ERBB4: variants seen among roughly 807,000 people sequenced by gnomAD.
The protein encoded by ERBB4 is erb-b2 receptor tyrosine kinase 4, also known as receptor tyrosine-protein kinase erbB-4.
A neutral mutation model predicts 158.0 loss-of-function variants in ERBB4; 42 were observed. The ratio of observed to expected loss-of-function variants is 0.27; its 90% CI spans 0.21 to 0.34. ERBB4 has a LOEUF of 0.34. ERBB4 is among the 10% of genes least tolerant of loss of function. ERBB4 has a pLI of 1.00. For synonymous variants in ERBB4, 583 were observed against 558.7 expected (o/e 1.04, Z -0.61); for missense variants, 1,333 against 1,624.1 (o/e 0.82, Z 3.08).
At chr2:211,882,694 C>A (rs532941327) in intron 3 of ERBB4, among the ~76,000 whole-genome samples, 100 of 152,260 alleles carry the variant, frequency 6.6e-4, no homozygotes, top group African/African-American at 2.1e-3. Flanking sequence ...TTTTGTCAAG[C>A]TAATAAGGTT....
chr2:211,602,478 T>A (rs1365620438), intron 19 of ERBB4, among the ~76,000 whole-genome samples: 2 of 152,082 alleles, frequency 1.3e-5, no homozygotes, highest in Non-Finnish European at 2.9e-5. Flanking sequence ...GTTTGCTCAA[T>A]AACCCCAGAA....
chr2:211,651,196 C>T (rs889450763), intron 16 of ERBB4, among the ~76,000 whole-genome samples: 1 of 152,124 alleles, frequency 6.6e-6, no homozygotes, highest in African/African-American at 2.4e-5. Flanking sequence ...CAAGATAATA[C>T]CTTATTGCTT....
chr2:212,478,353 G>C (rs1689511213), intron 1 of ERBB4, among the ~76,000 whole-genome samples: 1 of 152,154 alleles, frequency 6.6e-6, no homozygotes, highest in South Asian at 2.1e-4. Context: ...GCTTGGAAAG[G>C]TGAATTAGTA....
intron 2 of ERBB4, among the ~76,000 whole-genome samples, chr2:212,082,961 C>A (rs1051833306): frequency 3.3e-5 from 5 of 151,842 alleles, no homozygotes; most frequent in Admixed American, 2.0e-4. Flanking sequence ...TAAATGAATA[C>A]AATAGGTGTT....
intron 1 of ERBB4, among the ~76,000 whole-genome samples, chr2:212,506,765 G>A (rs1054085231): frequency 3.9e-5 from 6 of 152,148 alleles, no homozygotes; most frequent in African/African-American, 1.4e-4. Flanking sequence ...TGGTTCATGA[G>A]GTTTAAGGAT....
chr2:212,319,772 G>A (rs2106260911), intron 1 of ERBB4, among the ~76,000 whole-genome samples: 1 of 150,448 alleles, frequency 6.6e-6, no homozygotes, highest in Non-Finnish European at 1.5e-5. Flanking sequence ...AAGTTAGTAA[G>A]CAATTAGAAT....
chr2:212,017,221 C>A (rs2076548461), intron 2 of ERBB4, among the ~76,000 whole-genome samples: 1 of 151,918 alleles, frequency 6.6e-6, no homozygotes, highest in Non-Finnish European at 1.5e-5. Context: ...TAAATAATTT[C>A]TTGGAAAAAT....
intron 1 of ERBB4, among the ~76,000 whole-genome samples, chr2:212,197,152 T>A (rs2082451019): frequency 6.6e-6 from 1 of 152,116 alleles, no homozygotes. Flanking sequence ...ATCCTCCAAA[T>A]TAAAGCTTTT....
chr2:211,848,850 T>G (rs2106025336), intron 3 of ERBB4, among the ~76,000 whole-genome samples: 1 of 152,214 alleles, frequency 6.6e-6, no homozygotes, highest in African/African-American at 2.4e-5. Context: ...CAGTAGTTTA[T>G]CAGCTGGTAT....
intron 2 of ERBB4, among the ~76,000 whole-genome samples, chr2:212,049,895 T>A (rs947813900): frequency 8.5e-5 from 13 of 152,186 alleles, no homozygotes; most frequent in Non-Finnish European, 1.8e-4. Context: ...ACTTTCCAAG[T>A]CTGCACTTCA....
intron 1 of ERBB4, among the ~76,000 whole-genome samples, chr2:212,448,666 G>A (rs904821060): frequency 6.6e-6 from 1 of 152,064 alleles, no homozygotes; most frequent in African/African-American, 2.4e-5. Context: ...CTGCATCCTA[G>A]GAGAAACCAG....
At chr2:212,249,338 G>C (rs1300032398) in intron 1 of ERBB4, among the ~76,000 whole-genome samples, 1 of 151,518 alleles carries the variant, frequency 6.6e-6, no homozygotes, top group Non-Finnish European at 1.5e-5. Context: ...TAATAATGGA[G>C]AATGGAATGA....
chr2:211,784,742 T>C (rs540377188), intron 4 of ERBB4, among the ~76,000 whole-genome samples: 8 of 152,304 alleles, frequency 5.3e-5, no homozygotes, highest in African/African-American at 1.4e-4. Context: ...TTTCTTCACC[T>C]CCTCACATTT....
In ERBB4 at chr2:211,905,744, G is replaced by GTGTATA. The variant is rs749531602; in HGVS notation, c.421+41685_421+41686insTATACA. ...TGTGTGTATGTGTGTGCATGTGTGT[G>GTGTATA]TATATATATATATATATATACTATT... is the stretch of plus-strand genomic sequence containing the variant. On this transcript the variant is annotated intron_variant, in intron 3 of 27. Coordinates refer to ENST00000342788, the MANE Select transcript of ERBB4 (RefSeq NM_005235.3). Among the ~76,000 whole-genome samples, 679 of 119,382 alleles carry GTGTATA rather than the reference G, an allele frequency of 5.7e-3. 10 individuals are homozygous for GTGTATA. Among genetic ancestry groups the GTGTATA allele is most frequent in the African/African-American group, 0.019 (609 of 31,692 alleles). 78.3% of individuals were successfully genotyped at this position (119,382 alleles called of 152,430 possible).
intron 2 of ERBB4, among the ~76,000 whole-genome samples, chr2:212,083,890 A>G (rs2078521290): frequency 6.7e-6 from 1 of 149,102 alleles, no homozygotes; most frequent in Admixed American, 6.8e-5. Flanking sequence ...TTATACATTC[A>G]ATTCTCTATT....
intron 1 of ERBB4, among the ~76,000 whole-genome samples, chr2:212,261,709 T>C (rs955549770): frequency 9.9e-5 from 15 of 152,116 alleles, no homozygotes; most frequent in Non-Finnish European, 2.1e-4. Flanking sequence ...TGGGTAATAA[T>C]ATAAAGGATA....
chr2:211,396,032 A>G (rs1273799490), intron 25 of ERBB4, among the ~76,000 whole-genome samples: 1 of 152,016 alleles, frequency 6.6e-6, no homozygotes, highest in Non-Finnish European at 1.5e-5. Flanking sequence ...AAAAAAGACT[A>G]TAAACACTTT....
At chr2:211,575,368 A>G (rs957915406) in intron 19 of ERBB4, among the ~76,000 whole-genome samples, 2 of 152,222 alleles carry the variant, frequency 1.3e-5, no homozygotes, top group African/African-American at 4.8e-5. Context: ...AAAATGCTAA[A>G]TAGTCTTTTC....
At chr2:211,710,692 G>T (rs892073554) in intron 9 of ERBB4, among the ~76,000 whole-genome samples, 1 of 152,144 alleles carries the variant, frequency 6.6e-6, no homozygotes. Context: ...ATGGGAGTGG[G>T]TCTTTCCCAC....
Sources: allele counts gnomAD v4.1 joint callset (sites outside exome capture counted in the v4.1 genomes callset), GRCh38; gene constraint gnomAD v4.1.1; transcripts MANE v1.5; gene names NCBI Gene and HGNC (gene_info 2026-07-23, HGNC 2026-07-21).